MYO6: variants seen among roughly 807,000 people sequenced by gnomAD.
The protein encoded by MYO6 is myosin VI, also known as unconventional myosin-VI.
In MYO6, 74 loss-of-function variants were observed where a neutral mutation model predicts 178.7. That is an observed-to-expected ratio of 0.41 (90% CI 0.34 to 0.50). The LOEUF is 0.50. Among genes scored for constraint, MYO6 ranks in the 20% least tolerant of loss-of-function variants. The pLI, the probability that MYO6 is intolerant of heterozygous loss-of-function variation, is 0.09. For synonymous variants in MYO6, 477 were observed against 504.6 expected, an observed-to-expected ratio of 0.95 and a Z score of 0.73; for missense variants, 1,330 against 1,547.4, an observed-to-expected ratio of 0.86 and a Z score of 2.36.
At chr6:75,805,022 T>TATATATATATA (rs869236276) in intron 1 of MYO6, among the ~76,000 whole-genome samples, 18 of 53,096 alleles carry the variant, frequency 3.4e-4, no homozygotes, top group Admixed American at 7.7e-4. Flanking sequence ...TATATATATA[T>TATATATATATA]TTTTTTTTTT....
At chr6:75,902,517 T>C (rs1317496069) in intron 30 of MYO6, among the ~76,000 whole-genome samples, 1 of 152,056 alleles carries the variant, frequency 6.6e-6, no homozygotes, top group African/African-American at 2.4e-5. Context: ...TTGCGTAGAG[T>C]TGTTTGTAGT....
At chr6:75,802,892 C>T (rs1583130262) in intron 1 of MYO6, among the ~76,000 whole-genome samples, 3 of 152,090 alleles carry the variant, frequency 2.0e-5, no homozygotes, top group East Asian at 3.8e-4. Context: ...TTTAAATCAC[C>T]TGGGATGAAT....
intron 1 of MYO6, among the ~76,000 whole-genome samples, chr6:75,756,976 GTGTGTATATATGTATACACACA>G (rs1777442533): frequency 4.4e-5 from 1 of 22,492 alleles, no homozygotes; most frequent in Admixed American, 6.6e-4. Context: ...CACATATATA[GTGTGTATATATGTATACACACA>G]TATATAGTGT....
chr6:75,908,599 A>G lies in MYO6; in HGVS notation c.3384A>G (p.Gln1128=), dbSNP rs397517051. ...KNKKRNTETE[Q]RAPKSVTDYD... ...AGAAGAGAAATACTGAAACAGAGCA[A>G]CGTGCTCCAAAGTCTGTTACTGATT... The change falls in exon 32 of 35, where the codon CAA becomes CAG. Residue 1128 remains glutamine (Q), a synonymous_variant. Coordinates refer to ENST00000369977, the MANE Select transcript of MYO6 (RefSeq NM_004999.4). The G allele has an allele frequency of 1.2e-6, 2 of 1,613,666 alleles. No individual in the cohort carries two copies. Among genetic ancestry groups the G allele is most frequent in the Non-Finnish European group, 1.7e-6 (2 of 1,179,714 alleles).
chr6:75,841,118 A>C, intron 8 of MYO6, 96 bp from the exon 9 acceptor site: 1 of 1,184,862 alleles, frequency 8.4e-7, no homozygotes. Context: ...TTTGATAGAC[A>C]AATGGTATTA....
chr6:75,801,419 A>C (rs1769443697), intron 1 of MYO6, among the ~76,000 whole-genome samples: 1 of 152,124 alleles, frequency 6.6e-6, no homozygotes, highest in Admixed American at 6.6e-5. Context: ...GTGAGTAGCG[A>C]CTGGTTTTAG....
In MYO6 at chr6:75,878,119, TCA is replaced by T. The variant is rs1562276543; in HGVS notation, c.2078-1698_2078-1697del. ...TGTTTCATTAATTAATATTGAAAAT[TCA>T]CAGTAACAGAAATTAAATAGTACAG... On this transcript the variant is annotated intron_variant, in intron 20 of 34. Coordinates refer to ENST00000369977, the MANE Select transcript of MYO6 (RefSeq NM_004999.4). 7.9e-5 allele frequency among the ~76,000 whole-genome samples: 12 copies of T among 152,236 alleles called. No homozygotes were observed. The South Asian group carries it at 2.5e-3, about 32-fold the overall frequency.
At chr6:75,781,472 C>T (rs1350387541) in intron 1 of MYO6, among the ~76,000 whole-genome samples, 1 of 152,150 alleles carries the variant, frequency 6.6e-6, no homozygotes, top group Non-Finnish European at 1.5e-5. Flanking sequence ...TTGACCCATT[C>T]TGTAACAGTG....
chr6:75,851,310 AG>A (rs1775243951), intron 11 of MYO6, among the ~76,000 whole-genome samples: 1 of 152,216 alleles, frequency 6.6e-6, no homozygotes, highest in Non-Finnish European at 1.5e-5. Flanking sequence ...AACAGAAATC[AG>A]GGAAGATTGG....
At chr6:75,880,759 A>G (rs1403047780) in intron 22 of MYO6, among the ~76,000 whole-genome samples, 2 of 152,206 alleles carry the variant, frequency 1.3e-5, no homozygotes, top group Non-Finnish European at 2.9e-5. Context: ...TTTAATTTTG[A>G]CTATAAGAAG....
rs7746476 is a variant in MYO6, at chr6:75,919,295, A to C, written c.*4283A>C. On this transcript the variant is annotated 3_prime_UTR_variant, in exon 35 of 35. Transcript: ENST00000369977. ...AGCCTCCCACTTTCTGGAGTCTCCA[A>C]TGTCGGTTATTCCACTCTTTATGTC... The C allele has an allele frequency of 6.6e-6, 1 of 151,948 alleles. No individual in the cohort carries two copies. The highest frequency in any genetic ancestry group is 1.5e-5 in the Non-Finnish European group (1 of 67,994). 9.4% of individuals were successfully genotyped at this position (151,948 alleles called of 1,614,324 possible).
intron 5 of MYO6, among the ~76,000 whole-genome samples, chr6:75,832,034 C>T (rs1469685760): frequency 6.6e-6 from 1 of 152,110 alleles, no homozygotes; most frequent in East Asian, 1.9e-4. Context: ...AAATAGTTGT[C>T]TTATAGAGCC....
chr6:75,834,335 T>C (rs1400110919), intron 6 of MYO6, among the ~76,000 whole-genome samples: 2 of 152,016 alleles, frequency 1.3e-5, no homozygotes, highest in Non-Finnish European at 2.9e-5. Flanking sequence ...TGGGGCCAAG[T>C]GATCCTCCTA....
chr6:75,754,609 G>A (rs1582964121), intron 1 of MYO6, among the ~76,000 whole-genome samples: 1 of 141,394 alleles, frequency 7.1e-6, no homozygotes, highest in Non-Finnish European at 1.5e-5. Flanking sequence ...TTTGATTTCT[G>A]ATCTATGTGG....
At chr6:75,826,871 C>T (rs917184460) in intron 3 of MYO6, among the ~76,000 whole-genome samples, 1 of 151,888 alleles carries the variant, frequency 6.6e-6, no homozygotes, top group African/African-American at 2.4e-5. Flanking sequence ...TGAGATCGTG[C>T]CACTGCACTC....
chr6:75,913,894 C>A (rs1325416760), intron 33 of MYO6, among the ~76,000 whole-genome samples, 169 bp from the exon 34 acceptor site: 4 of 152,070 alleles, frequency 2.6e-5, no homozygotes, highest in Admixed American at 2.6e-4. Context: ...TAAGAAGTAA[C>A]ACTCTGAATT....
chr6:75,897,487 A>G (rs1779395720), intron 29 of MYO6, among the ~76,000 whole-genome samples: 1 of 152,182 alleles, frequency 6.6e-6, no homozygotes, highest in African/African-American at 2.4e-5. Context: ...AGAAAAGAGG[A>G]ATACAGGAGT....
intron 1 of MYO6, among the ~76,000 whole-genome samples, chr6:75,799,863 T>C (rs1012657136): frequency 2.0e-5 from 3 of 151,982 alleles, no homozygotes; most frequent in African/African-American, 4.8e-5. Context: ...ATTTCCTGCT[T>C]CCCCCCAGGC....
chr6:75,867,288 A>T, intron 18 of MYO6, 183 bp downstream of exon 18: 1 of 536,614 alleles, frequency 1.9e-6, no homozygotes, highest in Non-Finnish European at 3.2e-6. Flanking sequence ...ACATACAGAA[A>T]TGCTTGTAAT....
Sources: gnomAD v4.1 joint callset for allele counts (sites outside exome capture counted in the v4.1 genomes callset) on GRCh38, gnomAD v4.1.1 for gene constraint, MANE v1.5 for transcripts, NCBI Gene and HGNC (gene_info 2026-07-23, HGNC 2026-07-21) for gene names.